TYW3: variants seen among roughly 807,000 people sequenced by gnomAD.
The protein encoded by TYW3 is tRNA wybutosine-synthesizing protein 3 homolog.
A neutral mutation model predicts 23.1 loss-of-function variants in TYW3; 26 were observed. The observed-to-expected ratio is 1.13, with a 90% CI of 0.83 to 1.56. TYW3 has a LOEUF of 1.56. Ranked by LOEUF, TYW3 falls within the 40% of genes most tolerant of loss-of-function variation. The probability of loss-of-function intolerance (pLI) is 0.00; values close to 1 mark genes in which losing one functional copy is unlikely to be tolerated. For synonymous variants in TYW3, 102 were observed against 105.7 expected (o/e 0.97, Z 0.21); for missense variants, 316 against 311.9 (o/e 1.01, Z -0.10).
chr1:74,747,465 G>A (rs553039164), intron 3 of TYW3, among the ~76,000 whole-genome samples: 6 of 151,314 alleles, frequency 4.0e-5, no homozygotes, highest in East Asian at 1.9e-4. Flanking sequence ...GTGAAACCCC[G>A]TCTCTACTAA....
At chr1:74,753,353 ATTCT>A (rs1557748810) in intron 5 of TYW3, among the ~76,000 whole-genome samples, 1 of 152,222 alleles carries the variant, frequency 6.6e-6, no homozygotes, top group Admixed American at 6.5e-5. Flanking sequence ...CTGCTAAGCC[ATTCT>A]TTATCAAATC....
intron 3 of TYW3, among the ~76,000 whole-genome samples, chr1:74,739,361 GC>G (rs1035128168): frequency 6.6e-6 from 1 of 152,006 alleles, no homozygotes; most frequent in Non-Finnish European, 1.5e-5. Context: ...AAGTGAACTG[GC>G]AAAAAAACAA....
At chr1:74,747,376 G>A (rs1570064678) in intron 3 of TYW3, among the ~76,000 whole-genome samples, 1 of 152,022 alleles carries the variant, frequency 6.6e-6, no homozygotes, top group East Asian at 1.9e-4. Context: ...GGTGGCTCAC[G>A]CCTGTAATCC....
chr1:74,760,092 A>G (rs1291923771), intron 5 of TYW3, among the ~76,000 whole-genome samples: 1 of 152,236 alleles, frequency 6.6e-6, no homozygotes, highest in African/African-American at 2.4e-5. Flanking sequence ...AAGCTAGAGA[A>G]AAATGTTATT....
intron 2 of TYW3, among the ~76,000 whole-genome samples, chr1:74,737,635 G>C (rs983243424): frequency 6.6e-6 from 1 of 152,128 alleles, no homozygotes; most frequent in Non-Finnish European, 1.5e-5. Context: ...AATAATAACT[G>C]TCTTGTATAA....
chr1:74,738,104 A>AG (rs1046031040), intron 2 of TYW3, among the ~76,000 whole-genome samples: 10 of 137,130 alleles, frequency 7.3e-5, no homozygotes, highest in Non-Finnish European at 1.4e-4. Flanking sequence ...ACAAGTGAAC[A>AG]GGGAAAAAAA....
chr1:74,749,377 C>T (rs1444547091), intron 4 of TYW3, among the ~76,000 whole-genome samples: 1 of 152,206 alleles, frequency 6.6e-6, no homozygotes, highest in Non-Finnish European at 1.5e-5. Flanking sequence ...CTTGCAAAGT[C>T]AAAAATGTTT....
At position 74,764,009 on chromosome 1, in the gene TYW3, A is replaced by G; in HGVS notation, c.676A>G (p.Lys226Glu). The stretch of plus-strand genomic sequence containing the variant: ...TCATAAGAAAAAAAGAAACCCAGAA[A>G]AAACACGTGCCCAGTGTATTACTAA... ...YIHKKKRNPE[K>E]TRAQCITKES... Residue 226 changes from lysine (K) to glutamate (E), a missense_variant, in exon 6 of 6, where the codon AAA becomes GAA. By Grantham distance (56) the Lys-to-Glu change is moderately conservative (BLOSUM62 1). Coordinates refer to ENST00000370867, the MANE Select transcript of TYW3 (RefSeq NM_138467.3). The G allele has an allele frequency of 6.2e-7, 1 of 1,611,782 alleles. No homozygotes were observed. The highest frequency in any genetic ancestry group is 8.5e-7 in the Non-Finnish European group (1 of 1,179,360).
In TYW3 at chr1:74,766,323, A is replaced by G. The variant is rs2100783905; in HGVS notation, c.*2210A>G. 1 of 152,276 alleles carries G rather than the reference A, an allele frequency of 6.6e-6. No individual in the cohort carries two copies. Among genetic ancestry groups the G allele is most frequent in the East Asian group, 1.9e-4 (1 of 5,170 alleles). The allele number at this position is 152,276 out of a possible 1,614,324, so 9.4% of individuals were successfully genotyped here. Reference sequence around the variant, plus strand: ...TTCAGGAAGTACTCCAGAAGAAGGCATTGTTATCATAGAAGGTGACAGCTT... The same window carrying G: ...TTCAGGAAGTACTCCAGAAGAAGGCGTTGTTATCATAGAAGGTGACAGCTT... On this transcript the variant is annotated 3_prime_UTR_variant, in exon 6 of 6. Coordinates refer to ENST00000370867, the MANE Select transcript of TYW3 (RefSeq NM_138467.3).
In TYW3 at chr1:74,733,379, C is replaced by G; in HGVS notation, c.135C>G (p.Thr45=). 3 of 1,614,188 alleles carry G rather than the reference C, an allele frequency of 1.9e-6. No individual in the cohort carries two copies. Among genetic ancestry groups the G allele is most frequent in the Non-Finnish European group, 2.5e-6 (3 of 1,180,028 alleles). Residue 45 remains threonine, a synonymous_variant, in exon 1 of 6, where the codon ACC becomes ACG. Transcript: ENST00000370867. ...TGAACATGCGAGATCAGTTTTTCAC[C>G]ACCAGCTCCTGCGCTGGCCGCATCC... The part of the protein sequence containing the change: ...QFLNMRDQFF[T]TSSCAGRILL...
At chr1:74,755,987 C>T (rs977972478) in intron 5 of TYW3, among the ~76,000 whole-genome samples, 15 of 152,122 alleles carry the variant, frequency 9.9e-5, no homozygotes, top group Non-Finnish European at 1.0e-4. Flanking sequence ...CAAGATCTGA[C>T]GGTTTTAAAA....
At chr1:74,740,874 A>C (rs1648330309) in intron 3 of TYW3, among the ~76,000 whole-genome samples, 1 of 152,212 alleles carries the variant, frequency 6.6e-6, no homozygotes, top group African/African-American at 2.4e-5. Flanking sequence ...AAAGTTCTCC[A>C]AGTCCCCACT....
intron 5 of TYW3, 41 bp from the exon 6 acceptor site, chr1:74,763,853 C>A: frequency 1.3e-6 from 2 of 1,494,278 alleles, no homozygotes; most frequent in South Asian, 1.3e-5. Context: ...CATTTCGTTT[C>A]AGTACACACA....
At chr1:74,738,925 CAAT>C in intron 3 of TYW3, 137 bp downstream of exon 3, 1 of 463,410 alleles carries the variant, frequency 2.2e-6, no homozygotes, top group Non-Finnish European at 3.6e-6. Flanking sequence ...TTGGTCTGCT[CAAT>C]CTATTAATTT....
intron 5 of TYW3, among the ~76,000 whole-genome samples, chr1:74,758,018 G>A (rs903478166): frequency 8.5e-5 from 13 of 152,152 alleles, no homozygotes; most frequent in Non-Finnish European, 1.5e-5. Context: ...CACGAAAATG[G>A]ACTAATACAG....
In TYW3 at chr1:74,765,832, TAAG is replaced by T. The variant is rs1285053772; in HGVS notation, c.*1724_*1726del. On this transcript the variant is annotated 3_prime_UTR_variant, in exon 6 of 6. Transcript: ENST00000370867. ...ATAAACTGAATATATGAATGAGAAT[TAAG>T]AAGAGAGGGGCTGCTTCCTAATCTG... The T allele has an allele frequency of 6.6e-6, 1 of 152,118 alleles. No homozygotes were observed. The highest frequency in any genetic ancestry group is 1.5e-5 in the Non-Finnish European group (1 of 68,010). 9.4% of individuals were successfully genotyped at this position (152,118 alleles called of 1,614,324 possible).
intron 1 of TYW3, 196 bp downstream of exon 1, chr1:74,733,614 G>T (rs1570043730): frequency 1.0e-6 from 1 of 953,048 alleles, no homozygotes; most frequent in Non-Finnish European, 1.2e-6. Context: ...AATCAGCTGA[G>T]CATCTTTTAA....
intron 5 of TYW3, among the ~76,000 whole-genome samples, chr1:74,755,297 C>A (rs1236566898): frequency 6.6e-6 from 1 of 152,142 alleles, no homozygotes; most frequent in East Asian, 1.9e-4. Flanking sequence ...ACGTTTTCAT[C>A]ATCACAAACT....
chr1:74,748,808 G>A lies in TYW3; in HGVS notation c.412G>A (p.Gly138Arg). The A allele has an allele frequency of 1.2e-6, 2 of 1,613,948 alleles. No homozygotes were observed. Among genetic ancestry groups the A allele is most frequent in the Non-Finnish European group, 1.7e-6 (2 of 1,179,928 alleles). Residue 138 changes from glycine to arginine, a missense_variant, in exon 4 of 6, where the codon GGA (glycine) becomes AGA (arginine). Transcript: ENST00000370867. ...CTCTGGCATAACGGTGGGAAAGAGA[G>A]GAAAAACTATGTTGGTAAGATATTT... The part of the protein sequence containing the change: ...RNSGITVGKR[G>R]KTMLAVRSTH...
Sources: gnomAD v4.1 joint callset for allele counts (sites outside exome capture counted in the v4.1 genomes callset) on GRCh38, gnomAD v4.1.1 for gene constraint, MANE v1.5 for transcripts, NCBI Gene and HGNC (gene_info 2026-07-23, HGNC 2026-07-21) for gene names.